Variants in PTPRK observed in about 807,000 individuals in gnomAD.
The protein encoded by PTPRK is protein tyrosine phosphatase receptor type K, also known as receptor-type tyrosine-protein phosphatase kappa.
Under a neutral mutation model 178.0 loss-of-function variants are expected in PTPRK, and 75 were observed. That is an observed-to-expected ratio of 0.42 (90% CI 0.35 to 0.51). PTPRK has a LOEUF of 0.51. Ranked by LOEUF, PTPRK falls within the 20% of genes least tolerant of loss-of-function variation. The pLI is 0.02. For missense variants in PTPRK, 1,441 were observed against 1,797.8 expected, an observed-to-expected ratio of 0.80 and a Z score of 3.59; for synonymous variants, 637 against 620.6, an observed-to-expected ratio of 1.03 and a Z score of -0.39.
At position 128,506,682 on chromosome 6, in the gene PTPRK, A is replaced by AAAG. The variant is rs1554284970; in HGVS notation, c.100+13576_100+13577insCTT. Among the ~76,000 whole-genome samples, 114 of 146,236 alleles carry AAAG rather than the reference A, an allele frequency of 7.8e-4. 2 individuals are homozygous for AAAG. Among genetic ancestry groups the AAAG allele is most frequent in the Middle Eastern group, 3.5e-3 (1 of 288 alleles). ...CTCAAAAAAAAAAAAAAAAAAAAAAATTATTATAAGTCACTGTAACCTCTA... is the reference window on the plus strand; with the variant it reads ...CTCAAAAAAAAAAAAAAAAAAAAAAAAAGTTATTATAAGTCACTGTAACCTCTA... On this transcript the variant is annotated intron_variant, in intron 1 of 29. Transcript: ENST00000368226.
chr6:128,001,753 TCCACAGGAGGA>T (rs1183103815), intron 15 of PTPRK, among the ~76,000 whole-genome samples: 5 of 151,962 alleles, frequency 3.3e-5, no homozygotes, highest in African/African-American at 1.2e-4. Context: ...ATATTGTAAA[TCCACAGGAGGA>T]CCGAGACTTG....
intron 6 of PTPRK, among the ~76,000 whole-genome samples, chr6:128,201,198 A>T (rs983634297): frequency 6.6e-6 from 1 of 152,222 alleles, no homozygotes; most frequent in African/African-American, 2.4e-5. Context: ...AAGACATTGA[A>T]AACACTTCCA....
At chr6:128,377,829 G>C (rs1183881809) in intron 2 of PTPRK, among the ~76,000 whole-genome samples, 3 of 151,446 alleles carry the variant, frequency 2.0e-5, no homozygotes, top group Non-Finnish European at 4.4e-5. Flanking sequence ...ACTAAAATGA[G>C]AACTACATGT....
chr6:128,069,835 T>C (rs6938574), intron 11 of PTPRK, among the ~76,000 whole-genome samples: 130,938 of 152,024 alleles, frequency 0.86, 56,551 homozygotes, highest in East Asian at 0.99. Flanking sequence ...CTTGTCTATC[T>C]AGATCTGTGA....
chr6:128,422,753 T>G (rs1843647589), intron 1 of PTPRK, among the ~76,000 whole-genome samples: 1 of 146,914 alleles, frequency 6.8e-6, no homozygotes, highest in Non-Finnish European at 1.5e-5. Flanking sequence ...AAGAAGAGGT[T>G]GAAATGTCTA....
At chr6:128,501,955 G>A (rs912538134) in intron 1 of PTPRK, among the ~76,000 whole-genome samples, 5 of 152,162 alleles carry the variant, frequency 3.3e-5, no homozygotes, top group Non-Finnish European at 1.5e-5. Context: ...GCAATGTATA[G>A]CAGAATTGGA....
chr6:128,416,239 C>T (rs1344397558), intron 1 of PTPRK, among the ~76,000 whole-genome samples: 4 of 151,852 alleles, frequency 2.6e-5, no homozygotes, highest in Admixed American at 6.6e-5. Flanking sequence ...ACAAGAATGA[C>T]GACCACCACA....
At chr6:128,119,485 T>C (rs1426148904) in intron 7 of PTPRK, among the ~76,000 whole-genome samples, 4 of 152,072 alleles carry the variant, frequency 2.6e-5, no homozygotes, top group African/African-American at 7.2e-5. Flanking sequence ...AAATTCAAAA[T>C]TATATAATAG....
intron 13 of PTPRK, among the ~76,000 whole-genome samples, chr6:128,060,646 C>T (rs1780650390): frequency 6.6e-6 from 1 of 152,088 alleles, no homozygotes; most frequent in Non-Finnish European, 1.5e-5. Context: ...AACTGTCTTC[C>T]TATCACAGAA....
chr6:128,091,259 A>G (rs1437320663), intron 7 of PTPRK, among the ~76,000 whole-genome samples: 1 of 152,172 alleles, frequency 6.6e-6, no homozygotes, highest in Non-Finnish European at 1.5e-5. Context: ...CAACTTCACC[A>G]CTTTCATTTC....
At chr6:128,245,986 G>A (rs189305055) in intron 3 of PTPRK, among the ~76,000 whole-genome samples, 8 of 152,126 alleles carry the variant, frequency 5.3e-5, no homozygotes, top group Admixed American at 3.9e-4. Flanking sequence ...ATATAATACA[G>A]CTTTCAAAAA....
At chr6:128,392,641 AT>A (rs1839753706) in intron 2 of PTPRK, among the ~76,000 whole-genome samples, 2 of 152,312 alleles carry the variant, frequency 1.3e-5, no homozygotes, top group Non-Finnish European at 2.9e-5. Context: ...TCAAAGAATG[AT>A]TTCTAGTTCT....
intron 1 of PTPRK, among the ~76,000 whole-genome samples, chr6:128,458,397 A>G (rs757335666): frequency 2.0e-5 from 3 of 152,226 alleles, no homozygotes; most frequent in African/African-American, 7.2e-5. Flanking sequence ...AGATATGAGT[A>G]TGCAGTCATA....
chr6:128,074,704 A>T (rs1783464430), intron 11 of PTPRK, among the ~76,000 whole-genome samples: 1 of 152,048 alleles, frequency 6.6e-6, no homozygotes, highest in African/African-American at 2.4e-5. Flanking sequence ...AAAGAACCAC[A>T]CTTGCCAGCA....
intron 13 of PTPRK, among the ~76,000 whole-genome samples, chr6:128,050,310 C>A (rs1256835720): frequency 1.3e-5 from 2 of 152,176 alleles, no homozygotes; most frequent in Non-Finnish European, 2.9e-5. Context: ...TCACAGACAC[C>A]TTCCTTGAGA....
chr6:128,242,566 C>A lies in PTPRK; in HGVS notation c.532G>T (p.Gly178Cys). 1 of 1,612,862 alleles carries A rather than the reference C, an allele frequency of 6.2e-7. No individual in the cohort carries two copies. Among genetic ancestry groups the A allele is most frequent in the South Asian group, 1.1e-5 (1 of 90,984 alleles). Residue 178 changes from glycine to cysteine, a missense_variant, in exon 4 of 30, where the codon GGT becomes TGT. Gly to Cys is a radical substitution (Grantham distance 159). Coordinates refer to ENST00000368226, the MANE Select transcript of PTPRK (RefSeq NM_002844.4). ...TGGATGTCATCAATGGCAATATAACCACTTCTCCCTCCTGAGACTTCAGCT... is the reference window on the plus strand; with the variant it reads ...TGGATGTCATCAATGGCAATATAACAACTTCTCCCTCCTGAGACTTCAGCT... ...FEAEVSGGRSGYIAIDDIQVL... is the reference protein window; with the variant it reads ...FEAEVSGGRSCYIAIDDIQVL...
chr6:128,180,710 T>C (rs1218236747), intron 7 of PTPRK, among the ~76,000 whole-genome samples: 2 of 152,100 alleles, frequency 1.3e-5, no homozygotes, highest in African/African-American at 2.4e-5. Context: ...TATTGGAGAG[T>C]TAAGCACTAA....
chr6:128,421,475 C>A (rs1843474467), intron 1 of PTPRK, among the ~76,000 whole-genome samples: 1 of 152,066 alleles, frequency 6.6e-6, no homozygotes, highest in South Asian at 2.1e-4. Flanking sequence ...TATTTATTTT[C>A]CTTTTTTTCA....
chr6:128,461,637 T>C (rs902766095), intron 1 of PTPRK, among the ~76,000 whole-genome samples: 3 of 152,210 alleles, frequency 2.0e-5, no homozygotes, highest in Non-Finnish European at 4.4e-5. Flanking sequence ...AAATTCACCC[T>C]TTTAAAACGT....
Sources: gnomAD v4.1 joint callset for allele counts (sites outside exome capture counted in the v4.1 genomes callset) on GRCh38, gnomAD v4.1.1 for gene constraint, MANE v1.5 for transcripts, NCBI Gene and HGNC (gene_info 2026-07-23, HGNC 2026-07-21) for gene names.